The following RNF212B variants were observed in gnomAD, a reference collection of about 807,000 sequenced individuals.
The protein encoded by RNF212B is ring finger protein 212B.
A neutral mutation model predicts 55.5 loss-of-function variants in RNF212B; 52 were observed. The observed-to-expected ratio is 0.94, with a 90% CI of 0.75 to 1.18. RNF212B has a LOEUF of 1.18. RNF212B is among the 50% of genes most tolerant of loss of function. The probability of loss-of-function intolerance (pLI) is 0.00; values close to 1 mark genes in which losing one functional copy is unlikely to be tolerated. For synonymous variants in RNF212B, 99 were observed against 121.4 expected (o/e 0.82, Z 1.21); for missense variants, 289 against 350.4 (o/e 0.82, Z 1.40).
At chr14:23,269,736 C>T (rs1026087068) in intron 12 of RNF212B, 127 bp from the exon 13 acceptor site, 4 of 593,576 alleles carry the variant, frequency 6.7e-6, no homozygotes, top group African/African-American at 5.7e-5. Flanking sequence ...AAAAAATTAT[C>T]ATCAGTTGCA....
At chr14:23,200,067 C>G (rs537207550) in intron 2 of RNF212B, among the ~76,000 whole-genome samples, 4 of 151,664 alleles carry the variant, frequency 2.6e-5, no homozygotes, top group Non-Finnish European at 4.4e-5. Context: ...AGTGTACTAT[C>G]GTCTTGAAAC....
chr14:23,247,792 G>T lies in RNF212B; in HGVS notation c.228+3396G>T, dbSNP rs149348041. Among the ~76,000 whole-genome samples, 270 of 152,146 alleles carry T rather than the reference G, an allele frequency of 1.8e-3. 1 individual carries two copies. The highest frequency in any genetic ancestry group is 5.9e-3 in the African/African-American group (245 of 41,494). On this transcript the variant is annotated intron_variant, in intron 4 of 14. Transcript: ENST00000430154. ...TTATTCCTCTTGGGTATATACCTAC[G>T]AGTGGAATTTCTGGGTCAAATGGTA...
chr14:23,213,690 TACCTAAACAGGG>T (rs879396398), intron 2 of RNF212B, among the ~76,000 whole-genome samples: 12,986 of 152,030 alleles, frequency 0.085, 1,432 homozygotes, highest in African/African-American at 0.26. Flanking sequence ...CTGTGTGCTC[TACCTAAACAGGG>T]TGACTGCATG....
At chr14:23,254,307 CAAA>C in intron 4 of RNF212B, among the ~76,000 whole-genome samples, 1 of 139,352 alleles carries the variant, frequency 7.2e-6, no homozygotes, top group South Asian at 2.2e-4. Context: ...CAAAACAAAA[CAAA>C]ACAAAACAAA....
intron 5 of RNF212B, 24 bp downstream of exon 5, chr14:23,258,688 G>T: frequency 1.2e-5 from 10 of 868,744 alleles, no homozygotes; most frequent in Middle Eastern, 2.5e-4. Flanking sequence ...CAAGTCCCAA[G>T]AGAGCTTTTT....
upstream of RNF212B, among the ~76,000 whole-genome samples, chr14:23,234,555 C>T (rs1473530315): frequency 6.6e-6 from 1 of 152,144 alleles, no homozygotes; most frequent in Non-Finnish European, 1.5e-5. Flanking sequence ...TGTCCCAATT[C>T]TATGTATATA....
intron 1 of RNF212B, among the ~76,000 whole-genome samples, chr14:23,186,053 T>G (rs1355276514): frequency 6.6e-6 from 1 of 152,052 alleles, no homozygotes; most frequent in Non-Finnish European, 1.5e-5. Context: ...TGAGCCAAGA[T>G]CGCACCACTG....
At chr14:23,221,832 G>A (rs1178230903) in intron 2 of RNF212B, among the ~76,000 whole-genome samples, 3 of 152,170 alleles carry the variant, frequency 2.0e-5, no homozygotes, top group South Asian at 2.1e-4. Flanking sequence ...AATAACAGGA[G>A]GAATTTTGGA....
intron 2 of RNF212B, among the ~76,000 whole-genome samples, chr14:23,226,780 C>CT (rs1420093224): frequency 2.0e-4 from 27 of 136,530 alleles, no homozygotes; most frequent in Admixed American, 6.6e-4. Context: ...CTCCTCTCTT[C>CT]TTTTTTTTTC....
At chr14:23,241,116 A>G (rs1206737430) in intron 2 of RNF212B, among the ~76,000 whole-genome samples, 2 of 152,158 alleles carry the variant, frequency 1.3e-5, no homozygotes, top group Admixed American at 6.6e-5. Flanking sequence ...TGTTTTGATC[A>G]CGGAAGACTT....
chr14:23,263,090 G>GTT, intron 9 of RNF212B, 120 bp downstream of exon 9: 2 of 876,202 alleles, frequency 2.3e-6, no homozygotes, highest in Non-Finnish European at 3.5e-6. Context: ...TTAAAGCTAG[G>GTT]GTTTTTTTTT....
upstream of RNF212B, among the ~76,000 whole-genome samples, chr14:23,233,367 A>T (rs562351243): frequency 4.5e-3 from 679 of 151,934 alleles, 2 homozygotes; most frequent in African/African-American, 0.016. Flanking sequence ...GACCCTGCCA[A>T]ATGCCCCTCT....
intron 2 of RNF212B, among the ~76,000 whole-genome samples, chr14:23,242,135 TAGTCCCCAGAGAAAGAAC>T (rs1473673874): frequency 1.9e-5 from 2 of 106,176 alleles, no homozygotes; most frequent in African/African-American, 6.3e-5. Flanking sequence ...GAAAAACCTT[TAGTCCCCAGAGAAAGAAC>T]AGTCAAGTTA....
intron 2 of RNF212B, among the ~76,000 whole-genome samples, chr14:23,229,261 T>TATATATATATACAC (rs558232357): frequency 2.2e-4 from 28 of 127,206 alleles, no homozygotes; most frequent in Non-Finnish European, 4.3e-4. Flanking sequence ...TATATATATA[T>TATATATATATACAC]ACCACATTGT....
chr14:23,201,335 A>G (rs1487669172), intron 2 of RNF212B, among the ~76,000 whole-genome samples: 1 of 152,236 alleles, frequency 6.6e-6, no homozygotes, highest in Non-Finnish European at 1.5e-5. Context: ...AAAAAGTTTT[A>G]GGGCAGCCAT....
intron 2 of RNF212B, among the ~76,000 whole-genome samples, chr14:23,242,100 A>G (rs1594922769): frequency 7.8e-6 from 1 of 127,568 alleles, no homozygotes; most frequent in South Asian, 2.5e-4. Context: ...AAAAAAAAAA[A>G]AAAAAAAGAA....
At chr14:23,272,368 G>A (rs1432917828) in intron 14 of RNF212B, 6 of 180,222 alleles carry the variant, frequency 3.3e-5, no homozygotes, top group South Asian at 9.6e-5. Flanking sequence ...TGCAGTAAGC[G>A]GAGATGCACC....
chr14:23,186,750 C>T lies in RNF212B; in HGVS notation c.-79+1260C>T, dbSNP rs76997816. On this transcript the variant is annotated intron_variant, in intron 1 of 15. Coordinates refer to the RNF212B transcript ENST00000399910. Reference sequence around the variant, plus strand: ...CTCCTCATGTAGTATCTTGGGCAGACGAGGCAGTTATCTTAAAGATTTTAA... The same window carrying T: ...CTCCTCATGTAGTATCTTGGGCAGATGAGGCAGTTATCTTAAAGATTTTAA... Among the ~76,000 whole-genome samples the T allele has an allele frequency of 1.2e-3, 177 of 152,220 alleles. 2 individuals carry two copies. The East Asian group carries it at 0.028, about 24-fold the overall frequency.
At chr14:23,215,732 AT>A (rs1881001512) in intron 2 of RNF212B, among the ~76,000 whole-genome samples, 1 of 152,198 alleles carries the variant, frequency 6.6e-6, no homozygotes, top group African/African-American at 2.4e-5. Flanking sequence ...GCTAATGAAA[AT>A]TTTTCAAACA....
Sources: allele counts gnomAD v4.1 joint callset (sites outside exome capture counted in the v4.1 genomes callset), GRCh38; gene constraint gnomAD v4.1.1; transcripts MANE v1.5; gene names NCBI Gene and HGNC (gene_info 2026-07-23, HGNC 2026-07-21).